Variants in PCDHA3 observed in about 807,000 individuals in gnomAD.
PCDHA3 encodes the protein protocadherin alpha 3, also known as protocadherin alpha-3.
Under a neutral mutation model 62.2 loss-of-function variants are expected in PCDHA3, and 41 were observed. The observed-to-expected ratio is 0.66, with a 90% CI of 0.51 to 0.86. PCDHA3 has a LOEUF of 0.86. Ranked by LOEUF, PCDHA3 falls within the 40% of genes least tolerant of loss-of-function variation. The pLI, the probability that PCDHA3 is intolerant of heterozygous loss-of-function variation, is 0.00. For missense variants in PCDHA3, 1,304 were observed against 1,241.2 expected, an observed-to-expected ratio of 1.05 and a Z score of -0.76; for synonymous variants, 640 against 555.4, an observed-to-expected ratio of 1.15 and a Z score of -2.14.
chr5:140,848,048 A>G, intron 1 of PCDHA3: 1 of 161,290 alleles, frequency 6.2e-6, no homozygotes, highest in Admixed American at 5.8e-5. Context: ...GAATCATTTT[A>G]ATTGTTACTT....
chr5:140,886,884 A>C (rs903199967), intron 1 of PCDHA3, among the ~76,000 whole-genome samples: 9 of 151,846 alleles, frequency 5.9e-5, no homozygotes, highest in African/African-American at 1.9e-4. Flanking sequence ...AACATTCATT[A>C]ATTAAATGCA....
intron 1 of PCDHA3, chr5:140,857,530 G>T (rs1554150174): frequency 2.5e-6 from 4 of 1,597,696 alleles, no homozygotes; most frequent in Non-Finnish European, 3.4e-6. Flanking sequence ...ACTCTCTGGT[G>T]GAGCGGCGGT....
chr5:140,842,639 A>C, intron 1 of PCDHA3: 1 of 1,595,430 alleles, frequency 6.3e-7, no homozygotes, highest in Non-Finnish European at 8.6e-7. Flanking sequence ...GGCCACCGCC[A>C]GCTTGTCTGT....
rs781990436 is a variant in PCDHA3 at position 140,802,045 on chromosome 5, C to A, written c.848C>A (p.Thr283Lys). Residue 283 changes from threonine (T) to lysine (K), a missense_variant, in exon 1 of 4, where the codon ACG (threonine) becomes AAG (lysine). Physicochemically the swap from Thr to Lys is moderately conservative, Grantham distance 78. Transcript: ENST00000522353. ...AAGGATATCGCGTATTCTTTCAATA[C>A]GGACATGTCAGCAGATATTCTGTCA... ...VNKDIAYSFN[T>K]DMSADILSKF... 1.2e-6 allele frequency: 2 copies of A among 1,614,140 alleles called. No individual in the cohort carries two copies. The highest frequency in any genetic ancestry group is 2.2e-5 in the East Asian group (1 of 44,888).
At chr5:140,850,576 T>C (rs1554144521) in intron 1 of PCDHA3, 1 of 1,598,296 alleles carries the variant, frequency 6.3e-7, no homozygotes, top group East Asian at 2.2e-5. Flanking sequence ...GTGACGCTGG[T>C]GGATGTCAAC....
At chr5:140,927,610 A>C in intron 1 of PCDHA3, 2 of 1,614,162 alleles carry the variant, frequency 1.2e-6, no homozygotes, top group Non-Finnish European at 1.7e-6. Flanking sequence ...CGTATACCGC[A>C]CCAAGGTTCC....
chr5:140,863,405 C>A (rs1554158176), intron 1 of PCDHA3: 1 of 799,642 alleles, frequency 1.3e-6, no homozygotes, highest in East Asian at 4.2e-5. Flanking sequence ...GGCAAGCCCA[C>A]GCTGGTGTAC....
intron 3 of PCDHA3, among the ~76,000 whole-genome samples, chr5:141,008,824 T>C (rs1042258496): frequency 6.6e-6 from 1 of 152,186 alleles, no homozygotes; most frequent in African/African-American, 2.4e-5. Flanking sequence ...TACAACAGGA[T>C]TCCATCCTCT....
rs193007351 is a variant in PCDHA3 at position 140,836,957 on chromosome 5, G to A, written c.2394+33366G>A. The A allele has an allele frequency of 4.7e-4, 193 of 414,742 alleles. 3 individuals carry two copies. In the East Asian group the frequency reaches 5.2e-3, roughly 11 times the overall value. The allele number at this position is 414,742 out of a possible 1,614,324, so 25.7% of individuals were successfully genotyped here. On this transcript the variant is annotated intron_variant, in intron 1 of 3. Coordinates refer to ENST00000522353, the MANE Select transcript of PCDHA3 (RefSeq NM_018906.3). ...CTATAGATCAAAATCTATGGTTTATGTTGGCTACTCTCCATTTTTGGAGGA... is the reference window on the plus strand; with the variant it reads ...CTATAGATCAAAATCTATGGTTTATATTGGCTACTCTCCATTTTTGGAGGA...
At position 140,857,911 on chromosome 5, in the gene PCDHA3, T is replaced by C. The variant is rs144216608; in HGVS notation, c.2394+54320T>C. On this transcript the variant is annotated intron_variant, in intron 1 of 3. Transcript: ENST00000522353. ...CGGCGGTTGGTGCACGCATCCCGTT[T>C]CGCGTGGGGCTGTACACGGGCGAGA... 4,248 of 1,597,856 alleles carry C rather than the reference T, an allele frequency of 2.7e-3. 342 individuals are homozygous for C. Among genetic ancestry groups the C allele is most frequent in the Middle Eastern group, 0.01 (61 of 5,986 alleles).
At position 140,926,851 on chromosome 5, in the gene PCDHA3, T is replaced by C. The variant is rs201136210; in HGVS notation, c.2395-52098T>C. 6.6e-6 allele frequency: 10 copies of C among 1,517,220 alleles called. No individual in the cohort carries two copies. In the Admixed American group the frequency reaches 6.6e-5, roughly 10 times the overall value. The allele number at this position is 1,517,220 out of a possible 1,614,324, so 94.0% of individuals were successfully genotyped here. ...TCCGGAGCATGGTCCTGGGTCACCGTTGGTGTAGCGTGTTGGTGGAACGTG... is the reference window on the plus strand; with the variant it reads ...TCCGGAGCATGGTCCTGGGTCACCGCTGGTGTAGCGTGTTGGTGGAACGTG... On this transcript the variant is annotated intron_variant, in intron 1 of 3. Coordinates refer to ENST00000522353, the MANE Select transcript of PCDHA3 (RefSeq NM_018906.3).
At chr5:140,882,143 C>T in intron 1 of PCDHA3, 1 of 1,494,048 alleles carries the variant, frequency 6.7e-7, no homozygotes, top group Non-Finnish European at 8.9e-7. Context: ...GAAAATATAG[C>T]AGAAAGCGGA....
intron 1 of PCDHA3, chr5:140,862,499 G>T (rs1581644581): frequency 2.5e-6 from 1 of 396,118 alleles, no homozygotes; most frequent in East Asian, 6.8e-5. Flanking sequence ...CGCTCGGAAT[G>T]GGGACTCGCT....
In PCDHA3 at chr5:140,828,503, C is replaced by A. The variant is rs1165644843; in HGVS notation, c.2394+24912C>A. ...CCCGCCCTTGTTCCCGGTAGAGGAA[C>A]AAAGAGTGCTGATTTACGAATCTAG... On this transcript the variant is annotated intron_variant, in intron 1 of 3. Transcript: ENST00000522353. The A allele has an allele frequency of 1.9e-6, 3 of 1,614,120 alleles. No individual in the cohort carries two copies. Among genetic ancestry groups the A allele is most frequent in the Admixed American group, 1.7e-5 (1 of 60,002 alleles).
chr5:141,001,316 C>T (rs2098007805), intron 3 of PCDHA3, among the ~76,000 whole-genome samples: 2 of 152,096 alleles, frequency 1.3e-5, no homozygotes, highest in African/African-American at 4.8e-5. Flanking sequence ...AAATAATTTG[C>T]CAAACATCAC....
At chr5:140,850,549 G>A in intron 1 of PCDHA3, 2 of 1,598,360 alleles carry the variant, frequency 1.3e-6, no homozygotes, top group Non-Finnish European at 1.7e-6. Flanking sequence ...GCGTCAGTGG[G>A]TGCCACGGGC....
intron 1 of PCDHA3, chr5:140,856,380 G>T: frequency 6.3e-7 from 1 of 1,598,530 alleles, no homozygotes; most frequent in Non-Finnish European, 8.6e-7. Flanking sequence ...ATCGTGGACA[G>T]GCCGCTGCAG....
chr5:141,005,737 G>A (rs568489145), intron 3 of PCDHA3, among the ~76,000 whole-genome samples: 173 of 143,620 alleles, frequency 1.2e-3, no homozygotes, highest in African/African-American at 4.5e-3. Flanking sequence ...AAAAAGAATG[G>A]ATGAGAAATC....
intron 1 of PCDHA3, chr5:140,864,379 T>G (rs991413766): frequency 6.6e-6 from 1 of 152,364 alleles, no homozygotes; most frequent in African/African-American, 2.4e-5. Flanking sequence ...TCGATAAGTT[T>G]ATCTCTCACA....
Sources: gnomAD v4.1 joint callset for allele counts (sites outside exome capture counted in the v4.1 genomes callset) on GRCh38, gnomAD v4.1.1 for gene constraint, MANE v1.5 for transcripts, NCBI Gene and HGNC (gene_info 2026-07-23, HGNC 2026-07-21) for gene names.